KIF6: variants seen among roughly 807,000 people sequenced by gnomAD.
KIF6 encodes the protein kinesin family member 6.
In KIF6, 106 loss-of-function variants were observed where a neutral mutation model predicts 112.7. That is an observed-to-expected ratio of 0.94 (90% confidence interval 0.80 to 1.11). The LOEUF (loss-of-function observed/expected upper bound fraction) is 1.11, where lower values mean the gene tolerates loss of function less well. KIF6 is among the 50% of genes least tolerant of loss of function. The pLI, the probability that KIF6 is intolerant of heterozygous loss-of-function variation, is 0.00. For synonymous variants in KIF6, 339 were observed against 339.9 expected, an observed-to-expected ratio of 1.00 and a Z score of 0.03; for missense variants, 929 against 964.0, an observed-to-expected ratio of 0.96 and a Z score of 0.48.
rs1010583668 is a variant in KIF6 at position 39,342,263 on chromosome 6, C to G, written c.2428+1446G>C. Among the ~76,000 whole-genome samples the G allele has an allele frequency of 1.4e-4, 22 of 152,230 alleles. No homozygotes were observed. The highest frequency in any genetic ancestry group is 4.6e-4 in the African/African-American group (19 of 41,456). ...CTCCAGCAAGGCCTCCCCAACCTAC[C>G]CAGCTAAAAGCAGTCTTCCCAGTTA... On this transcript the variant is annotated intron_variant, in intron 22 of 22. Transcript: ENST00000287152. This position sits in a 1 kb window ranked among gnomAD's most constrained non-coding sequence, Gnocchi z 4.7.
intron 2 of KIF6, among the ~76,000 whole-genome samples, chr6:39,719,126 C>A (rs1209305879): frequency 6.6e-6 from 1 of 152,210 alleles, no homozygotes; most frequent in East Asian, 1.9e-4. Flanking sequence ...CGAGACCAGC[C>A]TGGCCCACAT....
At chr6:39,489,246 C>T (rs1394191525) in intron 13 of KIF6, among the ~76,000 whole-genome samples, 2 of 152,012 alleles carry the variant, frequency 1.3e-5, no homozygotes, top group Non-Finnish European at 2.9e-5. Context: ...CTTTTTGAAG[C>T]TCAGTTTTTT....
intron 15 of KIF6, among the ~76,000 whole-genome samples, chr6:39,401,872 C>A (rs1485530298): frequency 6.6e-6 from 1 of 152,062 alleles, no homozygotes; most frequent in African/African-American, 2.4e-5. Context: ...TACAAACAAA[C>A]CTAATTCTTT....
At chr6:39,700,837 C>T (rs541297770) in intron 3 of KIF6, among the ~76,000 whole-genome samples, 21 of 152,094 alleles carry the variant, frequency 1.4e-4, no homozygotes, top group African/African-American at 2.9e-4. Context: ...CTCAACCTCC[C>T]GAGTAGCTGG....
At chr6:39,661,340 T>C (rs1355164391) in intron 3 of KIF6, among the ~76,000 whole-genome samples, 2 of 152,222 alleles carry the variant, frequency 1.3e-5, no homozygotes, top group Non-Finnish European at 1.5e-5. Context: ...ATAGAAATAG[T>C]ATATGTTCTT....
chr6:39,704,736 C>T (rs2113848375), intron 3 of KIF6, among the ~76,000 whole-genome samples: 1 of 152,284 alleles, frequency 6.6e-6, no homozygotes, highest in South Asian at 2.1e-4. Flanking sequence ...AAAGTCCCTG[C>T]TCTTAGTCAA....
chr6:39,451,827 T>A (rs2150408865), intron 13 of KIF6, among the ~76,000 whole-genome samples: 1 of 152,336 alleles, frequency 6.6e-6, no homozygotes, highest in Non-Finnish European at 1.5e-5. Context: ...ACTTACTGTG[T>A]CTGGCACATA....
At chr6:39,508,538 A>T (rs1776574324) in intron 13 of KIF6, among the ~76,000 whole-genome samples, 1 of 152,102 alleles carries the variant, frequency 6.6e-6, no homozygotes, top group Non-Finnish European at 1.5e-5. Context: ...AGTCTTTGCA[A>T]ATGGCAGACC....
chr6:39,654,560 AT>A lies in KIF6; in HGVS notation c.252-14804del, dbSNP rs1785659342. Among the ~76,000 whole-genome samples, 3 of 152,166 alleles carry A rather than the reference AT, an allele frequency of 2.0e-5. No individual in the cohort carries two copies. In the South Asian group the frequency reaches 6.2e-4, roughly 32 times the overall value. ...CCCATTACTGAAAATACCTTTACTT[AT>A]TTTTGATTATACAAGTAATTCATAA... On this transcript the variant is annotated intron_variant, in intron 3 of 22. Transcript: ENST00000287152.
intron 21 of KIF6, 37 bp downstream of exon 21, chr6:39,345,663 G>T (rs771911037): frequency 6.4e-7 from 1 of 1,564,414 alleles, no homozygotes; most frequent in South Asian, 1.1e-5. Flanking sequence ...GCCCACTGCA[G>T]GGGCTGTCAC....
chr6:39,628,012 G>T (rs370707563), intron 5 of KIF6, among the ~76,000 whole-genome samples: 3 of 152,092 alleles, frequency 2.0e-5, no homozygotes, highest in Non-Finnish European at 4.4e-5. Context: ...GCATATGTAT[G>T]TCTATATACA....
At position 39,509,721 on chromosome 6, in the gene KIF6, T is replaced by C. The variant is rs566839696; in HGVS notation, c.1645+30282A>G. Among the ~76,000 whole-genome samples the C allele has an allele frequency of 5.9e-5, 9 of 152,214 alleles. No homozygotes were observed. In the East Asian group the frequency reaches 1.7e-3, roughly 29 times the overall value. On this transcript the variant is annotated intron_variant, in intron 13 of 22. Coordinates refer to ENST00000287152, the MANE Select transcript of KIF6 (RefSeq NM_145027.6). Reference sequence around the variant, plus strand: ...AAAGGAATGAAGCCTCCAAGAAATATGGGACTATGTGAAAAGACCACATCT... The same window carrying C: ...AAAGGAATGAAGCCTCCAAGAAATACGGGACTATGTGAAAAGACCACATCT...
At chr6:39,421,467 T>C (rs1403276159) in intron 14 of KIF6, among the ~76,000 whole-genome samples, 1 of 152,222 alleles carries the variant, frequency 6.6e-6, no homozygotes, top group African/African-American at 2.4e-5. Context: ...TGTTTCATCC[T>C]TGAACACTTT....
At chr6:39,433,479 T>A (rs1315203218) in intron 13 of KIF6, among the ~76,000 whole-genome samples, 1 of 152,232 alleles carries the variant, frequency 6.6e-6, no homozygotes, top group Non-Finnish European at 1.5e-5. Flanking sequence ...CTGGAAGGAT[T>A]TAATACTCTT....
intron 3 of KIF6, among the ~76,000 whole-genome samples, chr6:39,658,903 T>A (rs2446644): frequency 0.11 from 17,419 of 152,210 alleles, 1,579 homozygotes; most frequent in African/African-American, 0.25. Context: ...TTATAAAGAA[T>A]CACACAAACT....
At chr6:39,345,978 TCCTGAGGGTAGGG>T (rs1479204034) in intron 20 of KIF6, among the ~76,000 whole-genome samples, 189 bp from the exon 21 acceptor site, 1 of 146,560 alleles carries the variant, frequency 6.8e-6, no homozygotes, top group Admixed American at 6.9e-5. Flanking sequence ...TTAGATGAGG[TCCTGAGGGTAGGG>T]CCCCTGCACT....
chr6:39,649,373 A>C (rs1785340884), intron 3 of KIF6, among the ~76,000 whole-genome samples: 1 of 152,160 alleles, frequency 6.6e-6, no homozygotes, highest in Admixed American at 6.5e-5. Flanking sequence ...TCTAGATTAG[A>C]AATAGTTACC....
intron 5 of KIF6, among the ~76,000 whole-genome samples, chr6:39,633,892 T>G (rs1378614925): frequency 6.6e-6 from 1 of 152,210 alleles, no homozygotes; most frequent in Non-Finnish European, 1.5e-5. Flanking sequence ...CTGTTCTTAT[T>G]CTCACATTTT....
At chr6:39,568,194 C>T (rs1212195449) in intron 10 of KIF6, among the ~76,000 whole-genome samples, 1 of 152,166 alleles carries the variant, frequency 6.6e-6, no homozygotes, top group Non-Finnish European at 1.5e-5. Context: ...TTAAACAGGA[C>T]ACTGCTGCTA....
Sources: allele counts gnomAD v4.1 joint callset (sites outside exome capture counted in the v4.1 genomes callset), GRCh38; gene constraint gnomAD v4.1.1; non-coding constraint Gnocchi (gnomAD v3.1); transcripts MANE v1.5; gene names NCBI Gene and HGNC (gene_info 2026-07-23, HGNC 2026-07-21).